Variants in CCSER1 observed in about 807,000 individuals in gnomAD.
CCSER1 encodes the protein serine-rich coiled-coil domain-containing protein 1.
A neutral mutation model predicts 82.0 loss-of-function variants in CCSER1; 41 were observed. That is an observed-to-expected ratio of 0.50 (90% CI 0.39 to 0.65). The LOEUF is 0.65. CCSER1 is among the 30% of genes least tolerant of loss of function. The pLI is 0.00. For missense variants in CCSER1, 1,119 were observed against 1,064.2 expected (o/e 1.05, Z -0.72); for synonymous variants, 414 against 383.9 (o/e 1.08, Z -0.92).
chr4:91,212,064 C>G (rs1736862046), intron 10 of CCSER1, among the ~76,000 whole-genome samples: 1 of 151,970 alleles, frequency 6.6e-6, no homozygotes, highest in African/African-American at 2.4e-5. Context: ...TTTTTAATAC[C>G]TCCTTGGTCT....
intron 4 of CCSER1, among the ~76,000 whole-genome samples, chr4:90,443,967 G>T (rs1214507450): frequency 6.6e-6 from 1 of 151,992 alleles, no homozygotes; most frequent in Non-Finnish European, 1.5e-5. Flanking sequence ...TGACTTTTTA[G>T]AGTATGCATG....
At chr4:90,170,532 C>T (rs1051465885) in intron 1 of CCSER1, among the ~76,000 whole-genome samples, 17 of 151,776 alleles carry the variant, frequency 1.1e-4, no homozygotes, top group Non-Finnish European at 2.1e-4. Context: ...CTCCACTACC[C>T]TTCCCAGTCT....
chr4:90,689,398 A>G (rs1369076270), intron 6 of CCSER1, among the ~76,000 whole-genome samples: 1 of 152,156 alleles, frequency 6.6e-6, no homozygotes, highest in Non-Finnish European at 1.5e-5. Flanking sequence ...ATAGTGCCCA[A>G]CATATCTGGT....
At chr4:91,028,005 G>A (rs1453819855) in intron 9 of CCSER1, among the ~76,000 whole-genome samples, 1 of 151,852 alleles carries the variant, frequency 6.6e-6, no homozygotes, top group African/African-American at 2.4e-5. Flanking sequence ...AAAAGAAGAG[G>A]GGGTAAGAGA....
intron 10 of CCSER1, among the ~76,000 whole-genome samples, chr4:91,336,263 C>T (rs532879066): frequency 4.9e-4 from 74 of 152,166 alleles, no homozygotes; most frequent in Non-Finnish European, 8.7e-4. Context: ...ATTACATTTA[C>T]TCTACTTTGA....
chr4:91,283,893 C>G (rs986780027), intron 10 of CCSER1, among the ~76,000 whole-genome samples: 2 of 152,066 alleles, frequency 1.3e-5, no homozygotes, highest in Non-Finnish European at 2.9e-5. Context: ...GTAAACATGA[C>G]TGTGTTCCTG....
At chr4:90,475,638 G>A (rs1306947313) in intron 5 of CCSER1, among the ~76,000 whole-genome samples, 2 of 152,122 alleles carry the variant, frequency 1.3e-5, no homozygotes, top group Non-Finnish European at 1.5e-5. Flanking sequence ...AAAAATCGCT[G>A]GCCAGCTGTG....
intron 3 of CCSER1, among the ~76,000 whole-genome samples, chr4:90,361,587 A>G (rs914095514): frequency 3.3e-5 from 5 of 152,154 alleles, no homozygotes. Context: ...TTAGGGTGCA[A>G]TTGAGCCTAT....
chr4:90,828,550 C>G (rs1406524207), intron 8 of CCSER1, among the ~76,000 whole-genome samples: 1 of 152,128 alleles, frequency 6.6e-6, no homozygotes, highest in Non-Finnish European at 1.5e-5. Flanking sequence ...TTTCGTATCA[C>G]TTTACAACTC....
At chr4:91,181,048 G>A (rs1356750660) in intron 10 of CCSER1, among the ~76,000 whole-genome samples, 1 of 152,210 alleles carries the variant, frequency 6.6e-6, no homozygotes, top group Admixed American at 6.5e-5. Flanking sequence ...AGGGCCAGAT[G>A]TTCATTGCCC....
At chr4:90,572,576 A>T (rs1292504431) in intron 5 of CCSER1, among the ~76,000 whole-genome samples, 1 of 132,798 alleles carries the variant, frequency 7.5e-6, no homozygotes, top group Admixed American at 7.1e-5. Context: ...AGCGCACGTT[A>T]TTATTATTAT....
rs1204056890 is a variant in CCSER1 at position 91,037,255 on chromosome 4, C to CAT, written c.2173-48694_2173-48693insTA. On this transcript the variant is annotated intron_variant, in intron 9 of 10. Coordinates refer to ENST00000509176, the MANE Select transcript of CCSER1 (RefSeq NM_001145065.2). ...TGTCACACACACACACACACACACA[C>CAT]ACATACATACACACACACACACACA... is the stretch of plus-strand genomic sequence containing the variant. Among the ~76,000 whole-genome samples the CAT allele has an allele frequency of 1.2e-4, 14 of 115,376 alleles. No individual in the cohort carries two copies. In the East Asian group the frequency reaches 1.7e-3, roughly 14 times the overall value. The allele number at this position is 115,376 out of a possible 152,430, so 75.7% of individuals were successfully genotyped here.
intron 10 of CCSER1, among the ~76,000 whole-genome samples, chr4:91,229,288 CAAAA>C (rs59877595): frequency 1.4e-5 from 2 of 138,184 alleles, no homozygotes; most frequent in Non-Finnish European, 1.6e-5. Context: ...CAAAAACCTG[CAAAA>C]AAAAAAAAAA....
intron 10 of CCSER1, among the ~76,000 whole-genome samples, chr4:91,480,632 A>C (rs189801688): frequency 2.0e-5 from 3 of 152,220 alleles, no homozygotes; most frequent in East Asian, 1.9e-4. Flanking sequence ...CACTTCACAT[A>C]TCTCTGCCCA....
chr4:90,393,793 T>TTTTC (rs1299873219), intron 3 of CCSER1, among the ~76,000 whole-genome samples: 2 of 145,754 alleles, frequency 1.4e-5, no homozygotes, highest in Non-Finnish European at 1.5e-5. Flanking sequence ...TTTTTTTTTT[T>TTTTC]TGGGACAGGA....
intron 1 of CCSER1, among the ~76,000 whole-genome samples, chr4:90,184,895 C>T (rs1299118665): frequency 2.0e-5 from 3 of 152,056 alleles, no homozygotes; most frequent in Non-Finnish European, 4.4e-5. Context: ...TGCTGCAGTT[C>T]TAGATTTTCT....
chr4:91,329,482 G>A (rs1318013385), intron 10 of CCSER1, among the ~76,000 whole-genome samples: 1 of 152,146 alleles, frequency 6.6e-6, no homozygotes. Flanking sequence ...AGTTTTATGG[G>A]TGTGTTAGTC....
chr4:91,101,832 AC>A (rs1725094773), intron 10 of CCSER1, among the ~76,000 whole-genome samples: 1 of 152,232 alleles, frequency 6.6e-6, no homozygotes, highest in Non-Finnish European at 1.5e-5. Context: ...AGTGACAAAA[AC>A]AAACAGTAGT....
intron 5 of CCSER1, among the ~76,000 whole-genome samples, chr4:90,559,781 G>C (rs1211813602): frequency 7.2e-6 from 1 of 139,190 alleles, no homozygotes; most frequent in African/African-American, 2.7e-5. Flanking sequence ...CTGCACTCCA[G>C]CCTGGGAGAC....
Sources: gnomAD v4.1 joint callset for allele counts (sites outside exome capture counted in the v4.1 genomes callset) on GRCh38, gnomAD v4.1.1 for gene constraint, MANE v1.5 for transcripts, NCBI Gene and HGNC (gene_info 2026-07-23, HGNC 2026-07-21) for gene names.